Variants in ANO4 observed in about 807,000 individuals in gnomAD.
ANO4 encodes the protein anoctamin-4.
ANO4 carries 69 observed loss-of-function variants against 141.9 expected under a neutral mutation model. The observed-to-expected ratio is 0.49, with a 90% CI of 0.40 to 0.59. The LOEUF is 0.59. Among genes scored for constraint, ANO4 ranks in the 20% least tolerant of loss-of-function variants. The pLI is 0.00. For missense variants in ANO4, 894 were observed against 1,162.2 expected (o/e 0.77, Z 3.36); for synonymous variants, 350 against 394.3 (o/e 0.89, Z 1.33).
At chr12:101,076,208 G>C (rs1032191477) in intron 14 of ANO4, among the ~76,000 whole-genome samples, 2 of 152,130 alleles carry the variant, frequency 1.3e-5, no homozygotes, top group Non-Finnish European at 2.9e-5. Flanking sequence ...CCTCTGGAAA[G>C]TGATTAGGGC....
chr12:100,806,562 TGAGA>T (rs1202293585), intron 1 of ANO4, among the ~76,000 whole-genome samples: 1 of 95,970 alleles, frequency 1.0e-5, no homozygotes, highest in African/African-American at 4.9e-5. Context: ...TTTTTTTTTG[TGAGA>T]CAGAGTCTCG....
chr12:100,982,838 A>G (rs185848092), intron 7 of ANO4, among the ~76,000 whole-genome samples: 1 of 152,404 alleles, frequency 6.6e-6, no homozygotes, highest in East Asian at 1.9e-4. Flanking sequence ...AATTAATCAC[A>G]TAAGTGACAT....
At chr12:101,043,471 A>G in intron 12 of ANO4, 68 bp from the exon 13 acceptor site, 1 of 1,181,462 alleles carries the variant, frequency 8.5e-7, no homozygotes, top group East Asian at 2.3e-5. Context: ...CTAGTTGAAC[A>G]TTCTGGTGAA....
intron 9 of ANO4, 88 bp from the exon 10 acceptor site, chr12:101,037,007 T>A (rs1363906250): frequency 7.4e-7 from 1 of 1,344,346 alleles, no homozygotes. Flanking sequence ...GATTGTTTCC[T>A]CCAAAAAGCA....
At chr12:100,805,500 A>G (rs1392316008) in intron 1 of ANO4, among the ~76,000 whole-genome samples, 2 of 152,230 alleles carry the variant, frequency 1.3e-5, no homozygotes, top group African/African-American at 4.8e-5. Context: ...TGTCAATGGT[A>G]GTTTAATGGT....
chr12:100,991,320 C>T (rs2136352097), intron 8 of ANO4, among the ~76,000 whole-genome samples: 1 of 152,064 alleles, frequency 6.6e-6, no homozygotes, highest in East Asian at 1.9e-4. Context: ...TTAAATTAAT[C>T]AGAAGTAGCT....
At chr12:100,965,410 C>G (rs924653497) in intron 5 of ANO4, among the ~76,000 whole-genome samples, 6 of 152,116 alleles carry the variant, frequency 3.9e-5, no homozygotes, top group African/African-American at 1.2e-4. Context: ...TTGAACTTCC[C>G]ACTCCTATGC....
intron 1 of ANO4, among the ~76,000 whole-genome samples, chr12:100,884,487 G>T (rs1324327681): frequency 1.3e-5 from 2 of 152,240 alleles, no homozygotes; most frequent in East Asian, 3.9e-4. Context: ...TGAGAATATT[G>T]ATTAGATTAA....
At chr12:100,957,201 C>T (rs887642936) in intron 5 of ANO4, among the ~76,000 whole-genome samples, 1 of 152,212 alleles carries the variant, frequency 6.6e-6, no homozygotes, top group African/African-American at 2.4e-5. Context: ...CTGGTGAGGG[C>T]TTTTGTGCTT....
rs145444089 is a variant in ANO4, at chr12:101,114,379, G to A, written c.2451-2300G>A. 4.1e-3 allele frequency among the ~76,000 whole-genome samples: 632 copies of A among 152,304 alleles called. 8 individuals carry two copies. Among genetic ancestry groups the A allele is most frequent in the African/African-American group, 0.014 (597 of 41,562 alleles). ...TATGGAAATGATATGGAAGGAAGAT[G>A]TACACAGCTGATAACTGTGTGTTCC... is the stretch of plus-strand genomic sequence containing the variant. On this transcript the variant is annotated intron_variant, in intron 24 of 27. Coordinates refer to ENST00000392977, the MANE Select transcript of ANO4 (RefSeq NM_001286615.2).
At chr12:101,096,892 T>C (rs1440688632) in intron 19 of ANO4, among the ~76,000 whole-genome samples, 1 of 152,148 alleles carries the variant, frequency 6.6e-6, no homozygotes, top group African/African-American at 2.4e-5. Context: ...AGTTTGTGCA[T>C]GTGAGTGATG....
chr12:101,036,774 G>T (rs1382770933), intron 9 of ANO4, among the ~76,000 whole-genome samples: 1 of 152,190 alleles, frequency 6.6e-6, no homozygotes, highest in Non-Finnish European at 1.5e-5. Context: ...CTAATGTACA[G>T]CATGGGTGGA....
At chr12:100,894,870 G>A (rs2136003266) in intron 1 of ANO4, among the ~76,000 whole-genome samples, 1 of 150,744 alleles carries the variant, frequency 6.6e-6, no homozygotes, top group Non-Finnish European at 1.5e-5. Flanking sequence ...GGAGGCTGAG[G>A]CAGGAGAATG....
At chr12:100,765,826 T>G in intron 3 of ANO4, among the ~76,000 whole-genome samples, 1 of 151,714 alleles carries the variant, frequency 6.6e-6, no homozygotes. Context: ...GTAGAAGGAT[T>G]AAATCAAGCT....
chr12:100,800,113 A>G (rs1053921167), intron 1 of ANO4, among the ~76,000 whole-genome samples: 1 of 152,174 alleles, frequency 6.6e-6, no homozygotes, highest in African/African-American at 2.4e-5. Context: ...TTTATGTTGA[A>G]ATTCTGCTTT....
intron 1 of ANO4, among the ~76,000 whole-genome samples, chr12:100,839,574 T>A (rs1187197931): frequency 2.0e-5 from 3 of 152,190 alleles, no homozygotes; most frequent in Non-Finnish European, 4.4e-5. Flanking sequence ...CCAGTACATA[T>A]GGCAATGGGG....
chr12:100,748,037 T>C (rs1249350865), intron 3 of ANO4, among the ~76,000 whole-genome samples: 2 of 152,120 alleles, frequency 1.3e-5, no homozygotes, highest in East Asian at 1.9e-4. Flanking sequence ...GAGCAGAGCA[T>C]GGTGTCTTAT....
At chr12:101,107,052 A>G (rs931104055) in intron 22 of ANO4, among the ~76,000 whole-genome samples, 5 of 152,324 alleles carry the variant, frequency 3.3e-5, no homozygotes, top group East Asian at 1.9e-4. Flanking sequence ...AAAACTACCA[A>G]TGAATTAAAC....
At chr12:101,085,404 T>C (rs1291069860) in intron 16 of ANO4, among the ~76,000 whole-genome samples, 1 of 152,210 alleles carries the variant, frequency 6.6e-6, no homozygotes, top group Non-Finnish European at 1.5e-5. Context: ...GTAGCTGTAC[T>C]GAACATGTAC....
Sources: allele counts gnomAD v4.1 joint callset (sites outside exome capture counted in the v4.1 genomes callset), GRCh38; gene constraint gnomAD v4.1.1; transcripts MANE v1.5; gene names NCBI Gene and HGNC (gene_info 2026-07-23, HGNC 2026-07-21).